THSD7A: variants seen among roughly 807,000 people sequenced by gnomAD.
THSD7A encodes thrombospondin type-1 domain-containing protein 7A.
In THSD7A, 96 loss-of-function variants were observed where a neutral mutation model predicts 231.3. That is an observed-to-expected ratio of 0.41 (90% CI 0.35 to 0.49). The LOEUF is 0.49. THSD7A is among the 20% of genes least tolerant of loss of function. The pLI, the probability that THSD7A is intolerant of heterozygous loss-of-function variation, is 0.05. For missense variants in THSD7A, 2,290 were observed against 2,070.2 expected (o/e 1.11, Z -2.06); for synonymous variants, 940 against 743.3 (o/e 1.26, Z -4.30).
rs148286074 is a variant in THSD7A, at chr7:11,686,217, A to G, written c.191-49256T>C. 1.8e-3 allele frequency among the ~76,000 whole-genome samples: 271 copies of G among 151,932 alleles called. 3 individuals carry two copies. Among genetic ancestry groups the G allele is most frequent in the African/African-American group, 6.1e-3 (254 of 41,534 alleles). On this transcript the variant is annotated intron_variant, in intron 1 of 27. Transcript: ENST00000423059. ...GAGAAAGAGTAAGGGTTAAGGGCTG[A>G]AAAACTAACTGTTAGGTACTATATT...
chr7:11,697,625 G>GATA (rs1357547433), intron 1 of THSD7A, among the ~76,000 whole-genome samples: 6 of 151,346 alleles, frequency 4.0e-5, no homozygotes, highest in South Asian at 2.1e-4. Context: ...GACTCCAAAA[G>GATA]ATAATAATAA....
At chr7:11,543,309 A>G (rs773689721) in intron 4 of THSD7A, among the ~76,000 whole-genome samples, 192 bp from the exon 5 acceptor site, 1 of 152,232 alleles carries the variant, frequency 6.6e-6, no homozygotes, top group Non-Finnish European at 1.5e-5. Flanking sequence ...AATAAAGTGT[A>G]GTCAAAGGAA....
At chr7:11,638,757 G>A (rs2526095) in intron 1 of THSD7A, among the ~76,000 whole-genome samples, 22,366 of 152,038 alleles carry the variant, frequency 0.15, 1,777 homozygotes, top group Admixed American at 0.21. Context: ...AAGTATGAAT[G>A]TTGAAACTTT....
intron 1 of THSD7A, among the ~76,000 whole-genome samples, chr7:11,663,676 C>G (rs183720151): frequency 1.4e-3 from 212 of 151,460 alleles, no homozygotes; most frequent in Non-Finnish European, 2.5e-3. Flanking sequence ...TACAATACAT[C>G]AAAAGGATAA....
intron 6 of THSD7A, among the ~76,000 whole-genome samples, chr7:11,510,439 C>A (rs1226849582): frequency 6.6e-6 from 1 of 152,164 alleles, no homozygotes; most frequent in African/African-American, 2.4e-5. Flanking sequence ...CCAGCATCAT[C>A]CTGATACCAA....
intron 6 of THSD7A, among the ~76,000 whole-genome samples, chr7:11,491,969 C>T (rs565124222): frequency 6.6e-6 from 1 of 152,160 alleles, no homozygotes; most frequent in South Asian, 2.1e-4. Context: ...GGGGTCTTCA[C>T]ACTTCCAATC....
At chr7:11,498,852 G>C (rs1787217090) in intron 6 of THSD7A, among the ~76,000 whole-genome samples, 1 of 152,056 alleles carries the variant, frequency 6.6e-6, no homozygotes, top group African/African-American at 2.4e-5. Context: ...GGTGACTAGG[G>C]ACTGAAGCAG....
chr7:11,534,046 C>T lies in THSD7A; in HGVS notation c.1822+7373G>A, dbSNP rs1050802842. Among the ~76,000 whole-genome samples, 3 of 152,232 alleles carry T rather than the reference C, an allele frequency of 2.0e-5. 1 individual carries two copies. Among genetic ancestry groups the T allele is most frequent in the Admixed American group, 6.5e-5 (1 of 15,294 alleles). On this transcript the variant is annotated intron_variant, in intron 6 of 27. Transcript: ENST00000423059. ...ATACCTTGTTCTTTTCATTCACAGA[C>T]CTCTGATTCAAGAGTAGCTACATTC...
rs900489056 is a variant in THSD7A, at chr7:11,814,275, G to A, written c.190+17482C>T. 4.6e-5 allele frequency among the ~76,000 whole-genome samples: 7 copies of A among 152,110 alleles called. No individual in the cohort carries two copies. Among genetic ancestry groups the A allele is most frequent in the Non-Finnish European group, 5.9e-5 (4 of 68,018 alleles). ...CTTTAAATGGGTGATTGCATGCTAC[G>A]TGCATTCTATCAAATAAAGCTGTTA... On this transcript the variant is annotated intron_variant, in intron 1 of 27. Transcript: ENST00000423059. The surrounding 1 kb of genome is among the most constrained non-coding windows in gnomAD (Gnocchi z 5.1).
chr7:11,394,454 G>A (rs6460814), intron 23 of THSD7A, among the ~76,000 whole-genome samples: 7 of 151,966 alleles, frequency 4.6e-5, no homozygotes, highest in Non-Finnish European at 7.4e-5. Context: ...GCAGGCCTTC[G>A]GAAAGGTGCG....
At chr7:11,648,637 C>CATGTGTGTGTGT (rs1554259672) in intron 1 of THSD7A, among the ~76,000 whole-genome samples, 9 of 141,136 alleles carry the variant, frequency 6.4e-5, no homozygotes, top group African/African-American at 1.6e-4. Context: ...TATTTTGTGG[C>CATGTGTGTGTGT]GTGTGTGTGT....
chr7:11,595,731 C>G (rs1440954662), intron 2 of THSD7A, among the ~76,000 whole-genome samples: 1 of 152,210 alleles, frequency 6.6e-6, no homozygotes, highest in Non-Finnish European at 1.5e-5. Context: ...TTGCTCTTCT[C>G]TGTATGTCAG....
At chr7:11,578,801 A>G (rs959749509) in intron 4 of THSD7A, among the ~76,000 whole-genome samples, 3 of 152,224 alleles carry the variant, frequency 2.0e-5, no homozygotes, top group Non-Finnish European at 4.4e-5. Context: ...CTGAAATAGC[A>G]CTGGTTTTGC....
At chr7:11,543,780 T>A (rs966120452) in intron 4 of THSD7A, among the ~76,000 whole-genome samples, 1 of 152,146 alleles carries the variant, frequency 6.6e-6, no homozygotes, top group Non-Finnish European at 1.5e-5. Context: ...ATTTGACCAA[T>A]AAACTGTGGA....
At chr7:11,653,313 G>C (rs2128369534) in intron 1 of THSD7A, among the ~76,000 whole-genome samples, 1 of 151,824 alleles carries the variant, frequency 6.6e-6, no homozygotes, top group Non-Finnish European at 1.5e-5. Flanking sequence ...TAGCAGTAGA[G>C]GGAGATTTTC....
intron 2 of THSD7A, among the ~76,000 whole-genome samples, chr7:11,601,192 T>C (rs1335946295): frequency 6.6e-6 from 1 of 152,196 alleles, no homozygotes; most frequent in Non-Finnish European, 1.5e-5. Context: ...TATTCATATG[T>C]ATACATTATC....
chr7:11,497,220 G>C (rs1336368327), intron 6 of THSD7A, among the ~76,000 whole-genome samples: 1 of 152,134 alleles, frequency 6.6e-6, no homozygotes, highest in Non-Finnish European at 1.5e-5. Flanking sequence ...AATGAGAATA[G>C]GATGAGGGAA....
intron 1 of THSD7A, among the ~76,000 whole-genome samples, chr7:11,682,870 A>T (rs1313151323): frequency 2.0e-5 from 3 of 151,990 alleles, no homozygotes; most frequent in Non-Finnish European, 2.9e-5. Context: ...GCAAGTCTCA[A>T]CAAATAAAAA....
chr7:11,672,766 G>T (rs983749535), intron 1 of THSD7A, among the ~76,000 whole-genome samples: 3 of 152,150 alleles, frequency 2.0e-5, no homozygotes, highest in African/African-American at 7.2e-5. Context: ...AAGGAAATAT[G>T]TGAACTCTAG....
Sources: allele counts gnomAD v4.1 joint callset (sites outside exome capture counted in the v4.1 genomes callset), GRCh38; gene constraint gnomAD v4.1.1; non-coding constraint Gnocchi (gnomAD v3.1); transcripts MANE v1.5; gene names NCBI Gene and HGNC (gene_info 2026-07-23, HGNC 2026-07-21).